Variants in SAPCD2 observed in about 807,000 individuals in gnomAD.
The protein encoded by SAPCD2 is suppressor APC domain-containing protein 2.
Under a neutral mutation model 37.8 loss-of-function variants are expected in SAPCD2, and 34 were observed. The observed-to-expected ratio is 0.90, with a 90% CI of 0.68 to 1.20. The LOEUF is 1.20. SAPCD2 is among the 50% of genes most tolerant of loss of function. The pLI is 0.00. For missense variants in SAPCD2, 572 were observed against 584.7 expected (o/e 0.98, Z 0.22); for synonymous variants, 275 against 270.3 (o/e 1.02, Z -0.17).
chr9:137,065,011 C>T lies in SAPCD2; in HGVS notation c.940-32G>A, dbSNP rs764679415. 21 of 1,493,824 alleles carry T rather than the reference C, an allele frequency of 1.4e-5. No homozygotes were observed. The East Asian group carries it at 1.5e-4, about 10-fold the overall frequency. 92.5% of individuals were successfully genotyped at this position (1,493,824 alleles called of 1,614,324 possible). A position where few individuals can be genotyped will look rare whatever the true frequency, so the allele number is the denominator to read the frequency against. On this transcript the variant is annotated intron_variant, in intron 4 of 5. Coordinates refer to ENST00000409687, the MANE Select transcript of SAPCD2 (RefSeq NM_178448.4). ...GAGGGCAGGATTAGGCAGGCCTGGA[C>T]GAGGGCGGGGAAGCACTAAACTGGC...
rs764499728 is a variant in SAPCD2 at position 137,065,140 on chromosome 9, G to T, written c.877C>A (p.Pro293Thr). 1 of 1,527,832 alleles carries T rather than the reference G, an allele frequency of 6.5e-7. No homozygotes were observed. Among genetic ancestry groups the T allele is most frequent in the South Asian group, 1.2e-5 (1 of 80,374 alleles). The allele number at this position is 1,527,832 out of a possible 1,614,324, so 94.6% of individuals were successfully genotyped here. A position where few individuals can be genotyped will look rare whatever the true frequency, so the allele number is the denominator to read the frequency against. The change falls in exon 4 of 6, where the codon CCC becomes ACC. Residue 293 changes from proline to threonine, a missense_variant. Physicochemically the swap from Pro to Thr is conservative, Grantham distance 38 (BLOSUM62 -1). Coordinates refer to ENST00000409687, the MANE Select transcript of SAPCD2 (RefSeq NM_178448.4). Reference protein sequence around the residue: ...GSPRPLGRLLPKVQEVARCLG... With the variant: ...GSPRPLGRLLTKVQEVARCLG... Reference sequence around the variant, plus strand: ...CACCGGGCCACCTCTTGTACCTTGGGCAGTAGCCGCCCCAGTGGGCGGGGG... The same window carrying T: ...CACCGGGCCACCTCTTGTACCTTGGTCAGTAGCCGCCCCAGTGGGCGGGGG...
In SAPCD2 at chr9:137,064,787, C is replaced by T. The variant is rs1832518146; in HGVS notation, c.1057G>A (p.Glu353Lys). The change falls in exon 6 of 6, where the codon GAG becomes AAG. Residue 353 changes from glutamate (E) to lysine (K), a missense_variant and splice_region_variant. Physicochemically the swap from Glu to Lys is moderately conservative, Grantham distance 56 (BLOSUM62 1). Transcript: ENST00000409687. ...ATGCGCTCACTCTTCTCGGTCACCT[C>T]CTGGGCAGGTGCACAGTTGGTCAAG... ...LKEQNRLLTQEVTEKSERITQ... is the reference protein window; with the variant it reads ...LKEQNRLLTQKVTEKSERITQ... The T allele has an allele frequency of 1.3e-6, 2 of 1,593,890 alleles. No homozygotes were observed. The highest frequency in any genetic ancestry group is 1.7e-6 in the Non-Finnish European group (2 of 1,170,850).
chr9:137,064,150 C>T lies in SAPCD2; in HGVS notation c.*509G>A. 5.5e-6 allele frequency: 1 copy of T among 180,708 alleles called. No individual in the cohort carries two copies. The highest frequency in any genetic ancestry group is 5.5e-5 in the Admixed American group (1 of 18,318). The allele number at this position is 180,708 out of a possible 1,614,324, so 11.2% of individuals were successfully genotyped here. A position where few individuals can be genotyped will look rare whatever the true frequency, so the allele number is the denominator to read the frequency against. The stretch of plus-strand genomic sequence containing the variant: ...GCACCCCCCGCTTACAGGCCGTCCC[C>T]ACCCCCTCCATCTACTTCCGTCCGT... On this transcript the variant is annotated 3_prime_UTR_variant, in exon 6 of 6. Coordinates refer to ENST00000409687, the MANE Select transcript of SAPCD2 (RefSeq NM_178448.4).
intron 1 of SAPCD2, 69 bp from the exon 2 acceptor site, chr9:137,066,443 G>A (rs541573726): frequency 1.6e-5 from 19 of 1,185,692 alleles, no homozygotes; most frequent in Admixed American, 4.8e-5. Context: ...GAGGTGCAGC[G>A]GCCTCCACAT....
chr9:137,062,192 C>G lies in SAPCD2; in HGVS notation c.*2467G>C, dbSNP rs1339077097. ...AAAACACTGTTACTTTATATTCTCTCTGATAATTCTAGTATCTGGGTCTAG... is the reference window on the plus strand; with the variant it reads ...AAAACACTGTTACTTTATATTCTCTGTGATAATTCTAGTATCTGGGTCTAG... On this transcript the variant is annotated 3_prime_UTR_variant, in exon 6 of 6. Transcript: ENST00000409687. The G allele has an allele frequency of 2.0e-5, 3 of 152,196 alleles. No homozygotes were observed. The highest frequency in any genetic ancestry group is 4.4e-5 in the Non-Finnish European group (3 of 68,034). 9.4% of individuals were successfully genotyped at this position (152,196 alleles called of 1,614,324 possible).
intron 1 of SAPCD2, among the ~76,000 whole-genome samples, chr9:137,069,556 TTGGAGA>T (rs1193764231): frequency 6.6e-6 from 1 of 152,066 alleles, no homozygotes; most frequent in Non-Finnish European, 1.5e-5. Context: ...GGAAAGGGTA[TTGGAGA>T]TGGAGAGCCC....
In SAPCD2 at chr9:137,066,356, G is replaced by A; in HGVS notation, c.590C>T (p.Ala197Val). ...GGCATCCCCTGAGTCCGCCTCCAGGGCCCTGCACGCCACTGCACCTGTTAT... is the reference window on the plus strand; with the variant it reads ...GGCATCCCCTGAGTCCGCCTCCAGGACCCTGCACGCCACTGCACCTGTTAT... The part of the protein sequence containing the change: ...SADAGAVACR[A>V]LEADSGDARR... Residue 197 changes from alanine (A) to valine (V), a missense_variant, in exon 2 of 6, where the codon GCC becomes GTC. Coordinates refer to ENST00000409687, the MANE Select transcript of SAPCD2 (RefSeq NM_178448.4). 2.5e-6 allele frequency: 4 copies of A among 1,605,880 alleles called. No individual in the cohort carries two copies. Among genetic ancestry groups the A allele is most frequent in the Non-Finnish European group, 3.4e-6 (4 of 1,176,942 alleles).
Position 137,070,231 on chromosome 9 carries a change from G to C in SAPCD2, c.230C>G (p.Pro77Arg). Residue 77 changes from proline (P) to arginine (R), a missense_variant, in exon 1 of 6, where the codon CCG becomes CGG. Physicochemically the swap from Pro to Arg is moderately radical, Grantham distance 103 (BLOSUM62 -2). Transcript: ENST00000409687. ...CTCGAAGGTCAGGTAGCCGCTGGCC[G>C]GGGCCACCTGGCGCAAGCCCTCCAG... ...GVLEGLRQVA[P>R]ASGYLTFERF... is the part of the protein sequence containing the mutation. 2 of 1,411,972 alleles carry C rather than the reference G, an allele frequency of 1.4e-6. No homozygotes were observed. Among genetic ancestry groups the C allele is most frequent in the Non-Finnish European group, 9.3e-7 (1 of 1,078,536 alleles). 87.5% of individuals were successfully genotyped at this position (1,411,972 alleles called of 1,614,324 possible).
rs36035728 is a variant in SAPCD2 at position 137,067,774 on chromosome 9, C to CAAAAAAAAAAA, written c.572-1411_572-1401dup. ...TGGGCGACAGAGCAAGACTCCATCTCAAAAAAAAAAAAAAAAAAAAAAAAA... is the reference window on the plus strand; with the variant it reads ...TGGGCGACAGAGCAAGACTCCATCTCAAAAAAAAAAAAAAAAAAAAAAAAAAAAAAAAAAAA... On this transcript the variant is annotated intron_variant, in intron 1 of 5. Coordinates refer to ENST00000409687, the MANE Select transcript of SAPCD2 (RefSeq NM_178448.4). 2.0e-4 allele frequency among the ~76,000 whole-genome samples: 9 copies of CAAAAAAAAAAA among 44,678 alleles called. No homozygotes were observed. The East Asian group carries it at 3.2e-3, about 16-fold the overall frequency. The allele number at this position is 44,678 out of a possible 152,430, so 29.3% of individuals were successfully genotyped here.
In SAPCD2 at chr9:137,070,388, G is replaced by A. The variant is rs1307179350; in HGVS notation, c.73C>T (p.Pro25Ser). 7.2e-7 allele frequency: 1 copy of A among 1,394,294 alleles called. No homozygotes were observed. The highest frequency in any genetic ancestry group is 1.5e-5 in the South Asian group (1 of 66,006). The allele number at this position is 1,394,294 out of a possible 1,614,324, so 86.4% of individuals were successfully genotyped here. The change falls in exon 1 of 6, where the codon CCG becomes TCG. Residue 25 changes from proline to serine, a missense_variant. Transcript: ENST00000409687. The part of the protein sequence containing the change: ...PAPAPSTEGL[P>S]RAFLQSLRTL... ...CGCAGGCTCTGCAGGAAGGCGCGCG[G>A]CAGCCCCTCCGTGCTGGGCGCGGGT...
At position 137,063,575 on chromosome 9, in the gene SAPCD2, C is replaced by A; in HGVS notation, c.*1084G>T. On this transcript the variant is annotated 3_prime_UTR_variant, in exon 6 of 6. Transcript: ENST00000409687. ...GGGGGCCCTGGGCTGCAGAACCCAT[C>A]GATGCTGTTGCCGTGCCCCTGGTTC... is the stretch of plus-strand genomic sequence containing the variant. 6.6e-6 allele frequency: 1 copy of A among 152,204 alleles called. No homozygotes were observed. The highest frequency in any genetic ancestry group is 1.9e-4 in the East Asian group (1 of 5,182). The allele number at this position is 152,204 out of a possible 1,614,324, so 9.4% of individuals were successfully genotyped here.
intron 1 of SAPCD2, 101 bp downstream of exon 1, chr9:137,069,789 C>T (rs1382308904): frequency 1.4e-5 from 12 of 854,914 alleles, no homozygotes; most frequent in African/African-American, 3.5e-5. Context: ...TCCCCGGTCC[C>T]GTCCCTTGTG....
intron 1 of SAPCD2, among the ~76,000 whole-genome samples, chr9:137,069,547 G>A (rs1832594473): frequency 6.6e-6 from 1 of 152,234 alleles, no homozygotes. Flanking sequence ...CCCAGGTGCG[G>A]AAAGGGTATT....
intron 3 of SAPCD2, 38 bp downstream of exon 3, chr9:137,065,484 C>A (rs769067607): frequency 2.4e-5 from 37 of 1,556,432 alleles, no homozygotes; most frequent in Non-Finnish European, 3.1e-5. Context: ...CTGGGGTCCC[C>A]ATGTGTGGGG....
intron 1 of SAPCD2, 141 bp downstream of exon 1, chr9:137,069,749 C>T: frequency 6.9e-6 from 4 of 576,136 alleles, no homozygotes; most frequent in Non-Finnish European, 1.0e-5. Context: ...CCGAGGCGCC[C>T]TCCAGGATCC....
Position 137,069,902 on chromosome 9 carries a change from T to C in SAPCD2, c.559A>G (p.Ser187Gly), listed in dbSNP as rs1832598745. Residue 187 changes from serine to glycine, a missense_variant, in exon 1 of 6, where the codon AGC becomes GGC. Transcript: ENST00000409687. ...GTCCGGAACTCACCTGCGTCCGCGC[T>C]GGAGCTCGGTTCCAGCGCCGCGCTC... ...SQSAALEPSS[S>G]ADAGAVACRA... is the part of the protein sequence containing the mutation. 3 of 1,275,560 alleles carry C rather than the reference T, an allele frequency of 2.4e-6. No individual in the cohort carries two copies. In the South Asian group the frequency reaches 7.3e-5, roughly 31 times the overall value. The allele number at this position is 1,275,560 out of a possible 1,614,324, so 79.0% of individuals were successfully genotyped here.
At position 137,064,476 on chromosome 9, in the gene SAPCD2, G is replaced by A. The variant is rs756548111; in HGVS notation, c.*183C>T. Reference sequence around the variant, plus strand: ...CAAAACGGAGTCAAGCGCTCGGTGCGGGGACCAGCCGGGGGCAGGCCTGGG... The same window carrying A: ...CAAAACGGAGTCAAGCGCTCGGTGCAGGGACCAGCCGGGGGCAGGCCTGGG... On this transcript the variant is annotated 3_prime_UTR_variant, in exon 6 of 6. Transcript: ENST00000409687. The A allele has an allele frequency of 1.7e-4, 114 of 679,012 alleles. 1 individual carries two copies. In the Middle Eastern group the frequency reaches 2.9e-3, roughly 17 times the overall value. 42.1% of individuals were successfully genotyped at this position (679,012 alleles called of 1,614,324 possible).
Position 137,065,647 on chromosome 9 carries a change from C to G in SAPCD2, c.706G>C (p.Glu236Gln), listed in dbSNP as rs775030922. Residue 236 changes from glutamate (E) to glutamine (Q), a missense_variant, in exon 3 of 6, where the codon GAG becomes CAG. Coordinates refer to ENST00000409687, the MANE Select transcript of SAPCD2 (RefSeq NM_178448.4). ...CGLLKQMKEL[E>Q]QEKEVLLQGL... Reference sequence around the variant, plus strand: ...TGCAGCAGCACCTCCTTCTCCTGCTCCAGCTCCTTCATCTGCTTCAGCTGC... The same window carrying G: ...TGCAGCAGCACCTCCTTCTCCTGCTGCAGCTCCTTCATCTGCTTCAGCTGC... 6.2e-7 allele frequency: 1 copy of G among 1,606,832 alleles called. No individual in the cohort carries two copies. Among genetic ancestry groups the G allele is most frequent in the East Asian group, 2.2e-5 (1 of 44,640 alleles).
intron 1 of SAPCD2, among the ~76,000 whole-genome samples, chr9:137,068,632 G>A (rs997751365): frequency 1.6e-4 from 25 of 152,334 alleles, no homozygotes; most frequent in African/African-American, 5.8e-4. Flanking sequence ...CATTTGTCTG[G>A]CCCTCCGTTT....
Sources: gnomAD v4.1 joint callset for allele counts (sites outside exome capture counted in the v4.1 genomes callset) on GRCh38, gnomAD v4.1.1 for gene constraint, MANE v1.5 for transcripts, NCBI Gene and HGNC (gene_info 2026-07-23, HGNC 2026-07-21) for gene names.